The following ADAP1 variants were observed in gnomAD, a reference collection of about 807,000 sequenced individuals.
ADAP1 encodes the protein arf-GAP with dual PH domain-containing protein 1.
Under a neutral mutation model 54.9 loss-of-function variants are expected in ADAP1, and 31 were observed. The observed-to-expected ratio is 0.56, with a 90% confidence interval of 0.42 to 0.76. The LOEUF is 0.76. Among genes scored for constraint, ADAP1 ranks in the 30% least tolerant of loss-of-function variants. The pLI is 0.00. For missense variants in ADAP1, 535 were observed against 512.4 expected, an observed-to-expected ratio of 1.04 and a Z score of -0.42; for synonymous variants, 313 against 202.6, an observed-to-expected ratio of 1.55 and a Z score of -4.63.
chr7:952,966 G>C (rs895900653), intron 1 of ADAP1, among the ~76,000 whole-genome samples: 1 of 152,138 alleles, frequency 6.6e-6, no homozygotes, highest in African/African-American at 2.4e-5. Context: ...CAGGCTGGGA[G>C]GCCCAGAGGG....
chr7:932,237 TG>T (rs1846606352), intron 2 of ADAP1, among the ~76,000 whole-genome samples: 1 of 152,300 alleles, frequency 6.6e-6, no homozygotes, highest in East Asian at 1.9e-4. Context: ...AGGGGTTTCT[TG>T]GTAATACCCA....
chr7:917,375 G>T (rs1289502464), intron 4 of ADAP1, among the ~76,000 whole-genome samples: 1 of 151,088 alleles, frequency 6.6e-6, no homozygotes, highest in African/African-American at 2.4e-5. Context: ...ACCAGGGAGG[G>T]CTGGGAGGGG....
chr7:907,697 C>T (rs750426452), intron 4 of ADAP1, among the ~76,000 whole-genome samples: 1 of 152,222 alleles, frequency 6.6e-6, no homozygotes, highest in Non-Finnish European at 1.5e-5. Context: ...CCTGGCTGTC[C>T]CGCCCCAACA....
chr7:933,619 A>G (rs866524928), intron 2 of ADAP1, among the ~76,000 whole-genome samples: 1,419 of 18,780 alleles, frequency 0.076, 2 homozygotes, highest in South Asian at 0.18. Flanking sequence ...AGAGCCGGGG[A>G]CCGGGGTCAG....
At chr7:948,576 G>A (rs1847198219) in intron 1 of ADAP1, among the ~76,000 whole-genome samples, 1 of 152,086 alleles carries the variant, frequency 6.6e-6, no homozygotes, top group Admixed American at 6.5e-5. Flanking sequence ...CTGCTAAGCT[G>A]TCACCACCAC....
rs1847122389 is a variant in ADAP1 at position 945,863 on chromosome 7, G to A, written c.82+8533C>T. On this transcript the variant is annotated intron_variant, in intron 1 of 10. Transcript: ENST00000265846. This position sits in a 1 kb window ranked among gnomAD's most constrained non-coding sequence, Gnocchi z 4.2. ...CACATTCTTGGGCGGAGCCAGGTGGGGCAGGCGTGTCCCCCAAGCCAAGGC... is the reference window on the plus strand; with the variant it reads ...CACATTCTTGGGCGGAGCCAGGTGGAGCAGGCGTGTCCCCCAAGCCAAGGC... 3 of 983,198 alleles carry A rather than the reference G, an allele frequency of 3.1e-6. No homozygotes were observed. The highest frequency in any genetic ancestry group is 3.6e-6 in the Non-Finnish European group (3 of 827,854). The allele number at this position is 983,198 out of a possible 1,614,324, so 60.9% of individuals were successfully genotyped here.
At chr7:902,537 A>G (rs1252947393) in intron 6 of ADAP1, among the ~76,000 whole-genome samples, 13 of 150,692 alleles carry the variant, frequency 8.6e-5, no homozygotes. Context: ...AACTAAATGC[A>G]TGACAGCAGA....
At chr7:927,524 G>T in intron 2 of ADAP1, 1 of 470,200 alleles carries the variant, frequency 2.1e-6, no homozygotes, top group Non-Finnish European at 4.4e-6. Context: ...GGCCCAGCCA[G>T]ACTGAAGTCC....
rs150808492 is a variant in ADAP1, at chr7:938,472, G to C, written c.83-2967C>G. Among the ~76,000 whole-genome samples, 3 of 152,292 alleles carry C rather than the reference G, an allele frequency of 2.0e-5. No individual in the cohort carries two copies. In the East Asian group the frequency reaches 5.8e-4, roughly 29 times the overall value. On this transcript the variant is annotated intron_variant, in intron 1 of 10. Coordinates refer to ENST00000265846, the MANE Select transcript of ADAP1 (RefSeq NM_006869.4). The surrounding 1 kb of genome is among the most constrained non-coding windows in gnomAD (Gnocchi z 4.4). ...GTTGGGATTACAGATGTGTGACGCC[G>C]TGTCTGGCCTGCAAAGTATTTAGTT...
chr7:918,719 C>T (rs895437825), intron 4 of ADAP1, among the ~76,000 whole-genome samples: 13 of 152,292 alleles, frequency 8.5e-5, no homozygotes, highest in East Asian at 5.8e-4. Flanking sequence ...GTTTCCCTGT[C>T]GACACGGTGG....
intron 1 of ADAP1, among the ~76,000 whole-genome samples, chr7:942,679 GAGGA>G (rs1445185946): frequency 2.7e-5 from 1 of 37,442 alleles, no homozygotes; most frequent in East Asian, 9.5e-4. Flanking sequence ...GGAAGGGAGA[GAGGA>G]GGAGGAAGGG....
chr7:937,070 C>CGGCCTCTGGGATTTGGGGGTCACGCCG (rs1562933991), intron 1 of ADAP1, among the ~76,000 whole-genome samples: 5 of 113,802 alleles, frequency 4.4e-5, no homozygotes, highest in Non-Finnish European at 7.5e-5. Context: ...GGGTCATGCC[C>CGGCCTCTGGGATTTGGGGGTCACGCCG]GGCCTCTGGG....
intron 4 of ADAP1, among the ~76,000 whole-genome samples, chr7:907,102 C>T (rs1475468138): frequency 6.6e-6 from 1 of 152,276 alleles, no homozygotes; most frequent in South Asian, 2.1e-4. Context: ...GTGCCATCCC[C>T]TCTTTTTTCA....
chr7:908,878 G>A (rs1275188649), intron 4 of ADAP1, among the ~76,000 whole-genome samples: 2 of 152,130 alleles, frequency 1.3e-5, no homozygotes. Context: ...CACGGGGGTG[G>A]AGCTGGCTGG....
chr7:906,757 GACAGGGGACA>G (rs1845454569), intron 4 of ADAP1, among the ~76,000 whole-genome samples: 1 of 45,610 alleles, frequency 2.2e-5, no homozygotes, highest in African/African-American at 8.5e-5. Context: ...AGGGGACATG[GACAGGGGACA>G]TGGGGGACAG....
Position 935,899 on chromosome 7 carries a change from G to T in ADAP1, c.83-394C>A, listed in dbSNP as rs551012839. Among the ~76,000 whole-genome samples the T allele has an allele frequency of 1.7e-3, 263 of 152,334 alleles. 1 individual carries two copies. Among genetic ancestry groups the T allele is most frequent in the African/African-American group, 6.2e-3 (256 of 41,568 alleles). The stretch of plus-strand genomic sequence containing the variant: ...TGCCCTGGGAGAAGTCTGTGGGCCC[G>T]AATCCTCCTGGGTGATGGGGCCAAG... On this transcript the variant is annotated intron_variant, in intron 1 of 10. Transcript: ENST00000265846.
chr7:922,378 A>C (rs1353907678), intron 3 of ADAP1, among the ~76,000 whole-genome samples: 1 of 152,116 alleles, frequency 6.6e-6, no homozygotes, highest in Non-Finnish European at 1.5e-5. Context: ...AGCTGGGGGC[A>C]GGGGGCCGGG....
At position 898,739 on chromosome 7, in the gene ADAP1, C is replaced by T. The variant is rs563615317; in HGVS notation, c.*182G>A. On this transcript the variant is annotated 3_prime_UTR_variant, in exon 11 of 11. Coordinates refer to ENST00000265846, the MANE Select transcript of ADAP1 (RefSeq NM_006869.4). ...AGATCAGGCCCAGGGCCTGGGCTGC[C>T]TGCCTTGAGGTTCCAGAGAAGCATC... 51 of 755,572 alleles carry T rather than the reference C, an allele frequency of 6.7e-5. No individual in the cohort carries two copies. Among genetic ancestry groups the T allele is most frequent in the Non-Finnish European group, 9.9e-5 (46 of 463,392 alleles). The allele number at this position is 755,572 out of a possible 1,614,324, so 46.8% of individuals were successfully genotyped here. A position where few individuals can be genotyped will look rare whatever the true frequency, so the allele number is the denominator to read the frequency against.
At chr7:900,895 G>C in intron 6 of ADAP1, 1 of 581,564 alleles carries the variant, frequency 1.7e-6, no homozygotes, top group Non-Finnish European at 3.3e-6. Flanking sequence ...GGCCGGGCCG[G>C]GCCGGGCTGG....
Sources: gnomAD v4.1 joint callset for allele counts (sites outside exome capture counted in the v4.1 genomes callset) on GRCh38, gnomAD v4.1.1 for gene constraint, Gnocchi (gnomAD v3.1) non-coding constraint, MANE v1.5 for transcripts, NCBI Gene and HGNC (gene_info 2026-07-23, HGNC 2026-07-21) for gene names.